The following DPYD variants were observed in gnomAD, a reference collection of about 807,000 sequenced individuals.
The protein encoded by DPYD is dihydropyrimidine dehydrogenase [NADP(+)].
Under a neutral mutation model 116.2 loss-of-function variants are expected in DPYD, and 109 were observed. That is an observed-to-expected ratio of 0.94 (90% CI 0.80 to 1.10). DPYD has a LOEUF of 1.10. Among genes scored for constraint, DPYD ranks in the 50% least tolerant of loss-of-function variants. DPYD has a pLI of 0.00. For synonymous variants in DPYD, 440 were observed against 432.0 expected (o/e 1.02, Z -0.23); for missense variants, 1,302 against 1,254.5 (o/e 1.04, Z -0.57).
intron 18 of DPYD, among the ~76,000 whole-genome samples, chr1:97,266,358 G>T (rs1265509588): frequency 6.6e-6 from 1 of 152,116 alleles, no homozygotes; most frequent in Non-Finnish European, 1.5e-5. Flanking sequence ...CATGGAGAGA[G>T]GGTACAAGGA....
chr1:97,482,329 A>G (rs1248492587), intron 13 of DPYD, among the ~76,000 whole-genome samples: 1 of 152,236 alleles, frequency 6.6e-6, no homozygotes, highest in Admixed American at 6.5e-5. Flanking sequence ...ATGAACTGCT[A>G]AAATCAATGT....
At chr1:97,336,535 G>C (rs1414158800) in intron 16 of DPYD, among the ~76,000 whole-genome samples, 1 of 152,168 alleles carries the variant, frequency 6.6e-6, no homozygotes, top group East Asian at 1.9e-4. Context: ...GATCACCTGA[G>C]GTCAGGAGTC....
intron 16 of DPYD, among the ~76,000 whole-genome samples, chr1:97,370,982 A>G (rs1671283639): frequency 6.6e-6 from 1 of 152,178 alleles, no homozygotes; most frequent in Admixed American, 6.6e-5. Flanking sequence ...GGAACCCATA[A>G]TGTTGCAGAG....
At chr1:97,461,211 C>T (rs1677013708) in intron 13 of DPYD, among the ~76,000 whole-genome samples, 1 of 152,132 alleles carries the variant, frequency 6.6e-6, no homozygotes, top group Non-Finnish European at 1.5e-5. Flanking sequence ...CAATCCCCTA[C>T]TTCATTCTGT....
intron 12 of DPYD, chr1:97,546,863 A>G: frequency 6.2e-7 from 1 of 1,610,172 alleles, no homozygotes; most frequent in Non-Finnish European, 8.5e-7. Flanking sequence ...AATCACCCAC[A>G]GTGGGATACA....
chr1:97,193,824 T>G (rs1377843282), intron 19 of DPYD, among the ~76,000 whole-genome samples: 3 of 152,122 alleles, frequency 2.0e-5, no homozygotes, highest in African/African-American at 7.2e-5. Flanking sequence ...TTCTTTGCCT[T>G]AGGATCTTTT....
At chr1:97,901,663 GT>G (rs916978114) in intron 1 of DPYD, among the ~76,000 whole-genome samples, 14 of 151,738 alleles carry the variant, frequency 9.2e-5, no homozygotes, top group Non-Finnish European at 2.9e-5. Flanking sequence ...ATTTAGTACT[GT>G]TTGGCTCATC....
chr1:97,740,025 C>G (rs1664174404), intron 4 of DPYD, among the ~76,000 whole-genome samples: 1 of 151,986 alleles, frequency 6.6e-6, no homozygotes, highest in South Asian at 2.1e-4. Context: ...GACTTACTAT[C>G]AAAGCACACT....
chr1:97,513,578 T>C (rs761666004), intron 13 of DPYD, among the ~76,000 whole-genome samples: 28 of 151,788 alleles, frequency 1.8e-4, no homozygotes, highest in Non-Finnish European at 2.5e-4. Flanking sequence ...TCATTTTAAA[T>C]AGATTCTTCA....
At chr1:97,473,923 G>A (rs1247730372) in intron 13 of DPYD, among the ~76,000 whole-genome samples, 1 of 150,426 alleles carries the variant, frequency 6.6e-6, no homozygotes, top group African/African-American at 2.4e-5. Flanking sequence ...GAGGTGGGAG[G>A]ATCACTTGAG....
intron 8 of DPYD, among the ~76,000 whole-genome samples, chr1:97,602,469 T>C (rs1557830478): frequency 1.3e-5 from 2 of 152,130 alleles, no homozygotes; most frequent in African/African-American, 2.4e-5. Context: ...ATGAAATGAA[T>C]TGAATTTGAG....
In DPYD at chr1:97,868,384, A is replaced by C. The variant is rs77946979; in HGVS notation, c.150+14880T>G. Among the ~76,000 whole-genome samples, 432 of 151,938 alleles carry C rather than the reference A, an allele frequency of 2.8e-3. 3 individuals are homozygous for C. The highest frequency in any genetic ancestry group is 4.7e-3 in the Admixed American group (71 of 15,222). On this transcript the variant is annotated intron_variant, in intron 2 of 22. Transcript: ENST00000370192. ...GAACTATCACAAAAGACTTCAAATGATATCTGTAATTTATTACTAAAAGAT... is the reference window on the plus strand; with the variant it reads ...GAACTATCACAAAAGACTTCAAATGCTATCTGTAATTTATTACTAAAAGAT...
intron 14 of DPYD, among the ~76,000 whole-genome samples, chr1:97,432,741 A>T (rs186994998): frequency 6.6e-6 from 1 of 152,136 alleles, no homozygotes; most frequent in Non-Finnish European, 1.5e-5. Flanking sequence ...AGGGCACACC[A>T]CTTCTCTTAT....
At chr1:97,380,902 G>A (rs540314623) in intron 15 of DPYD, among the ~76,000 whole-genome samples, 1 of 152,274 alleles carries the variant, frequency 6.6e-6, no homozygotes, top group South Asian at 2.1e-4. Context: ...TACCATATGA[G>A]CTGTGATGAA....
At chr1:97,097,874 T>C (rs924121052) in intron 21 of DPYD, among the ~76,000 whole-genome samples, 3 of 152,090 alleles carry the variant, frequency 2.0e-5, no homozygotes, top group Admixed American at 1.3e-4. Flanking sequence ...GGATAAAGGG[T>C]ACACAAGACC....
intron 3 of DPYD, among the ~76,000 whole-genome samples, chr1:97,762,115 T>G (rs1028662327): frequency 6.6e-6 from 1 of 151,912 alleles, no homozygotes; most frequent in Non-Finnish European, 1.5e-5. Flanking sequence ...TTCACACAAT[T>G]TACCTAAACA....
At chr1:97,872,528 CT>C (rs1157592305) in intron 2 of DPYD, among the ~76,000 whole-genome samples, 3 of 151,894 alleles carry the variant, frequency 2.0e-5, no homozygotes, top group Non-Finnish European at 4.4e-5. Flanking sequence ...AGAGTTAACA[CT>C]TTTCTTCTTT....
At chr1:97,331,694 T>C (rs1012769429) in intron 16 of DPYD, among the ~76,000 whole-genome samples, 12 of 152,318 alleles carry the variant, frequency 7.9e-5, no homozygotes, top group African/African-American at 2.9e-4. Flanking sequence ...TCCTCTGAAG[T>C]ATTATAACAT....
In DPYD at chr1:97,593,237, A is replaced by T. The variant is rs760570391; in HGVS notation, c.1109T>A (p.Ile370Lys). The T allele has an allele frequency of 6.2e-7, 1 of 1,614,136 alleles. No individual in the cohort carries two copies. ...TTTTACCTCCTCAGGGACAGCTCTT[A>T]TATTAACAAAGCCTTTTCTGAAGAC... The part of the protein sequence containing the change: ...FIVFRKGFVN[I>K]RAVPEEMELA... The change falls in exon 10 of 23, where the codon ATA (isoleucine) becomes AAA (lysine). Residue 370 changes from isoleucine (I) to lysine (K), a missense_variant. By Grantham distance (102) the Ile-to-Lys change is moderately radical (BLOSUM62 -3). Coordinates refer to ENST00000370192, the MANE Select transcript of DPYD (RefSeq NM_000110.4).
Sources: gnomAD v4.1 joint callset for allele counts (sites outside exome capture counted in the v4.1 genomes callset) on GRCh38, gnomAD v4.1.1 for gene constraint, MANE v1.5 for transcripts, NCBI Gene and HGNC (gene_info 2026-07-23, HGNC 2026-07-21) for gene names.